Variants in ZNF512 observed in about 807,000 individuals in gnomAD.
The protein encoded by ZNF512 is zinc finger protein 512.
ZNF512 carries 25 observed loss-of-function variants against 77.5 expected under a neutral mutation model. That is an observed-to-expected ratio of 0.32 (90% CI 0.23 to 0.45). The LOEUF is 0.45. Among genes scored for constraint, ZNF512 ranks in the 20% least tolerant of loss-of-function variants. The pLI is 1.00. For missense variants in ZNF512, 483 were observed against 692.6 expected, an observed-to-expected ratio of 0.70 and a Z score of 3.40; for synonymous variants, 246 against 239.9, an observed-to-expected ratio of 1.03 and a Z score of -0.24.
chr2:27,620,437 T>C (rs1673066488), intron 13 of ZNF512, among the ~76,000 whole-genome samples: 1 of 152,226 alleles, frequency 6.6e-6, no homozygotes, highest in South Asian at 2.1e-4. Context: ...ATTTTGCTGA[T>C]TGCACCCTAT....
Position 27,598,088 on chromosome 2 carries a change from A to G in ZNF512, c.111A>G (p.Ile37Met). 6.3e-7 allele frequency: 1 copy of G among 1,587,994 alleles called. No individual in the cohort carries two copies. Among genetic ancestry groups the G allele is most frequent in the Non-Finnish European group, 8.6e-7 (1 of 1,160,772 alleles). Residue 37 changes from isoleucine to methionine, a missense_variant, in exon 3 of 14, where the codon ATA (isoleucine) becomes ATG (methionine). Coordinates refer to ENST00000355467, the MANE Select transcript of ZNF512 (RefSeq NM_032434.4). ...GAKNSRTQCS[I>M]KDNSFQYTIP... ...TTAGTAGCAGGACCCAGTGCTCCAT[A>G]AAGGATAATAGTTTCCAGTACACTA...
At chr2:27,620,497 T>C (rs1558479213) in intron 13 of ZNF512, among the ~76,000 whole-genome samples, 2 of 152,142 alleles carry the variant, frequency 1.3e-5, no homozygotes, top group Non-Finnish European at 2.9e-5. Context: ...TTTGTTGTTG[T>C]TGTTTGTTTT....
At chr2:27,587,150 C>T (rs1671364465) in intron 2 of ZNF512, among the ~76,000 whole-genome samples, 1 of 152,106 alleles carries the variant, frequency 6.6e-6, no homozygotes, top group African/African-American at 2.4e-5. Context: ...TAGGAAACTA[C>T]CTGCTTTCCA....
At chr2:27,595,351 A>C (rs1372404372) in intron 2 of ZNF512, among the ~76,000 whole-genome samples, 3 of 135,218 alleles carry the variant, frequency 2.2e-5, no homozygotes, top group Non-Finnish European at 4.6e-5. Flanking sequence ...CCCAGGCTGG[A>C]GTGCAGTGGT....
intron 12 of ZNF512, chr2:27,617,185 C>A: frequency 3.6e-6 from 1 of 277,408 alleles, no homozygotes; most frequent in South Asian, 5.8e-5. Context: ...GTGAAAGGAA[C>A]ATAGGAAGGT....
In ZNF512 at chr2:27,602,428, G is replaced by T. The variant is rs753906739; in HGVS notation, c.670-35G>T. On this transcript the variant is annotated intron_variant, in intron 7 of 13. Transcript: ENST00000355467. The stretch of plus-strand genomic sequence containing the variant: ...TTTCCCTGTGTCTTATCTTTTCCAT[G>T]AATCATCTTCTTGTTTACTTCTCTT... 3.8e-6 allele frequency: 6 copies of T among 1,590,630 alleles called. No homozygotes were observed. The African/African-American group carries it at 8.1e-5, about 21-fold the overall frequency.
intron 2 of ZNF512, among the ~76,000 whole-genome samples, chr2:27,593,127 G>A (rs557667701): frequency 6.6e-6 from 1 of 151,576 alleles, no homozygotes; most frequent in Non-Finnish European, 1.5e-5. Flanking sequence ...TTGGGAGGCT[G>A]AGGTAGGAAG....
intron 8 of ZNF512, among the ~76,000 whole-genome samples, chr2:27,602,896 T>C (rs1672182974): frequency 6.6e-6 from 1 of 152,056 alleles, no homozygotes; most frequent in Non-Finnish European, 1.5e-5. Flanking sequence ...AGCTCTGACA[T>C]AGAGTAGATG....
intron 2 of ZNF512, among the ~76,000 whole-genome samples, chr2:27,589,390 A>G (rs1232751470): frequency 6.6e-6 from 1 of 152,132 alleles, no homozygotes; most frequent in Non-Finnish European, 1.5e-5. Context: ...GATTAGCATA[A>G]AGTTATTCAA....
intron 10 of ZNF512, among the ~76,000 whole-genome samples, chr2:27,610,399 A>G (rs923208033): frequency 6.7e-6 from 1 of 148,366 alleles, no homozygotes; most frequent in Non-Finnish European, 1.5e-5. Context: ...ATATTTGTTA[A>G]CTCATTGATA....
chr2:27,596,430 C>T (rs1296770803), intron 2 of ZNF512, among the ~76,000 whole-genome samples: 1 of 152,164 alleles, frequency 6.6e-6, no homozygotes, highest in Non-Finnish European at 1.5e-5. Flanking sequence ...TCCTCCCACC[C>T]CCAGTCCCCC....
At chr2:27,618,704 A>T (rs1228193142) in intron 13 of ZNF512, among the ~76,000 whole-genome samples, 5 of 152,242 alleles carry the variant, frequency 3.3e-5, no homozygotes, top group Non-Finnish European at 7.3e-5. Flanking sequence ...TTTTCAAAAT[A>T]AAATTTTAAA....
rs1366551357 is a variant in ZNF512, at chr2:27,616,338, T to C, written c.1296+14T>C. On this transcript the variant is annotated intron_variant, in intron 12 of 13. Coordinates refer to ENST00000355467, the MANE Select transcript of ZNF512 (RefSeq NM_032434.4). ...TCTTGTACATTGGTTTGTAACTTTT[T>C]AAACTTACTATCTTAACATGTCCTC... 6.2e-7 allele frequency: 1 copy of C among 1,604,564 alleles called. No homozygotes were observed. Among genetic ancestry groups the C allele is most frequent in the Non-Finnish European group, 8.5e-7 (1 of 1,171,294 alleles).
intron 2 of ZNF512, among the ~76,000 whole-genome samples, chr2:27,592,384 C>T (rs569897303): frequency 9.9e-5 from 15 of 151,722 alleles, no homozygotes; most frequent in East Asian, 1.9e-4. Flanking sequence ...GGCATGATCT[C>T]GGCTCACTGC....
intron 10 of ZNF512, among the ~76,000 whole-genome samples, chr2:27,610,569 T>TATATATATATATATATACATA (rs70953871): frequency 5.1e-4 from 8 of 15,800 alleles, no homozygotes; most frequent in East Asian, 3.0e-3. Flanking sequence ...TATATATATA[T>TATATATATATATATATACATA]TTTTTTTTTT....
At position 27,602,051 on chromosome 2, in the gene ZNF512, T is replaced by A. The variant is rs539795821; in HGVS notation, c.670-412T>A. Reference sequence around the variant, plus strand: ...CACCCTCCTTGGCCTGCCGAAGTGCTGGGATTACAGGCGTGAGCCACTGCG... The same window carrying A: ...CACCCTCCTTGGCCTGCCGAAGTGCAGGGATTACAGGCGTGAGCCACTGCG... On this transcript the variant is annotated intron_variant, in intron 7 of 13. Transcript: ENST00000355467. Among the ~76,000 whole-genome samples, 3 of 152,376 alleles carry A rather than the reference T, an allele frequency of 2.0e-5. No individual in the cohort carries two copies. In the East Asian group the frequency reaches 5.8e-4, roughly 29 times the overall value.
chr2:27,602,825 T>G (rs1389491012), intron 8 of ZNF512, among the ~76,000 whole-genome samples: 1 of 152,132 alleles, frequency 6.6e-6, no homozygotes, highest in Non-Finnish European at 1.5e-5. Context: ...TGTGCTGGAC[T>G]TTGGTATATA....
rs182570341 is a variant in ZNF512, at chr2:27,594,153, G to A, written c.90-3914G>A. Among the ~76,000 whole-genome samples, 1,326 of 151,300 alleles carry A rather than the reference G, an allele frequency of 8.8e-3. 18 individuals are homozygous for A. The highest frequency in any genetic ancestry group is 0.03 in the African/African-American group (1,217 of 41,156). ...TCACTTCCCAGACAGGGTGGCGGCC[G>A]GGCAGAGGCGCTCCTCACATCCCAG... is the stretch of plus-strand genomic sequence containing the variant. On this transcript the variant is annotated intron_variant, in intron 2 of 13. Transcript: ENST00000355467.
chr2:27,610,569 T>TACA (rs70953871), intron 10 of ZNF512, among the ~76,000 whole-genome samples: 3 of 15,812 alleles, frequency 1.9e-4, no homozygotes, highest in African/African-American at 7.8e-4. Flanking sequence ...TATATATATA[T>TACA]TTTTTTTTTT....
Sources: gnomAD v4.1 joint callset for allele counts (sites outside exome capture counted in the v4.1 genomes callset) on GRCh38, gnomAD v4.1.1 for gene constraint, MANE v1.5 for transcripts, NCBI Gene and HGNC (gene_info 2026-07-23, HGNC 2026-07-21) for gene names.